PRUNE2: variants seen among roughly 807,000 people sequenced by gnomAD.
PRUNE2 encodes the protein protein prune homolog 2.
Under a neutral mutation model 252.0 loss-of-function variants are expected in PRUNE2, and 164 were observed. The observed-to-expected ratio is 0.65, with a 90% CI of 0.57 to 0.74. PRUNE2 has a LOEUF of 0.74. Among genes scored for constraint, PRUNE2 ranks in the 30% least tolerant of loss-of-function variants. PRUNE2 has a pLI of 0.00. For missense variants in PRUNE2, 3,495 were observed against 3,711.0 expected (o/e 0.94, Z 1.51); for synonymous variants, 1,292 against 1,350.2 (o/e 0.96, Z 0.94).
intron 1 of PRUNE2, among the ~76,000 whole-genome samples, chr9:76,855,064 C>CACA (rs2060170226): frequency 1.3e-5 from 1 of 78,210 alleles, no homozygotes; most frequent in Non-Finnish European, 2.3e-5. Context: ...GACTCCATCT[C>CACA]AAAAAAAAAA....
intron 9 of PRUNE2, among the ~76,000 whole-genome samples, chr9:76,694,768 T>A (rs1474640938): frequency 6.8e-6 from 1 of 147,486 alleles, no homozygotes; most frequent in East Asian, 2.3e-4. Context: ...TAAAAAAAAT[T>A]TTTTTTAAAT....
At chr9:76,748,939 G>T (rs932225236) in intron 6 of PRUNE2, among the ~76,000 whole-genome samples, 1 of 152,100 alleles carries the variant, frequency 6.6e-6, no homozygotes, top group South Asian at 2.1e-4. Flanking sequence ...GGCGGAGCAG[G>T]GACCCCTCTT....
intron 1 of PRUNE2, chr9:76,862,841 C>T (rs561686072): frequency 1.3e-5 from 2 of 152,238 alleles, no homozygotes; most frequent in East Asian, 3.9e-4. Context: ...TTTTTAACTT[C>T]TCTTTTCAAA....
intron 9 of PRUNE2, among the ~76,000 whole-genome samples, chr9:76,680,199 G>A (rs2134196182): frequency 6.6e-6 from 1 of 152,178 alleles, no homozygotes; most frequent in South Asian, 2.1e-4. Flanking sequence ...CAAAAGAAAT[G>A]GGCAAAGACA....
intron 9 of PRUNE2, among the ~76,000 whole-genome samples, chr9:76,683,612 A>T (rs2043733241): frequency 6.6e-6 from 1 of 152,180 alleles, no homozygotes; most frequent in Non-Finnish European, 1.5e-5. Context: ...TTGATTATAG[A>T]GACAGGGTTA....
In PRUNE2 at chr9:76,619,359, T is replaced by C; in HGVS notation, c.9217A>G (p.Met3073Val). The change falls in exon 18 of 19, where the codon ATG becomes GTG. Residue 3073 changes from methionine (M) to valine (V), a missense_variant. Coordinates refer to ENST00000376718, the MANE Select transcript of PRUNE2 (RefSeq NM_015225.3). ...KTSCLYNDPEMSSMEKDIDLK... is the reference protein window; with the variant it reads ...KTSCLYNDPEVSSMEKDIDLK... ...TCTTACTCCTTCTCCATAGAAGACA[T>C]TTCTGGATCATTGTAAAGGCAGCTA... is the stretch of plus-strand genomic sequence containing the variant. 6.2e-7 allele frequency: 1 copy of C among 1,606,810 alleles called. No homozygotes were observed.
chr9:76,633,245 T>G (rs1221802275), intron 15 of PRUNE2, among the ~76,000 whole-genome samples: 3 of 151,434 alleles, frequency 2.0e-5, no homozygotes, highest in Non-Finnish European at 4.4e-5. Flanking sequence ...TATTTTACAA[T>G]GTAAAAATCA....
intron 1 of PRUNE2, chr9:76,863,395 C>T (rs2060661114): frequency 6.6e-6 from 1 of 152,074 alleles, no homozygotes; most frequent in Admixed American, 6.6e-5. Context: ...GACACAAAAA[C>T]ATTACTGTCT....
intron 6 of PRUNE2, among the ~76,000 whole-genome samples, chr9:76,747,621 G>A (rs1158049774): frequency 6.6e-6 from 1 of 152,120 alleles, no homozygotes; most frequent in Non-Finnish European, 1.5e-5. Context: ...GTTCCTGTAT[G>A]TGCTAGGACA....
chr9:76,673,898 C>A (rs1162478792), intron 9 of PRUNE2, among the ~76,000 whole-genome samples: 1 of 150,056 alleles, frequency 6.7e-6, no homozygotes, highest in African/African-American at 2.5e-5. Context: ...ATTGATGGGA[C>A]ATATTTCAAA....
chr9:76,649,057 G>A (rs188585649), intron 11 of PRUNE2, among the ~76,000 whole-genome samples: 15 of 152,314 alleles, frequency 9.8e-5, no homozygotes, highest in Admixed American at 9.8e-4. Context: ...GAGGGTGAAT[G>A]TTTGTAGAGA....
At chr9:76,853,437 T>C (rs142855781) in intron 2 of PRUNE2, among the ~76,000 whole-genome samples, 1,749 of 152,346 alleles carry the variant, frequency 0.011, 38 homozygotes, top group African/African-American at 0.04. Context: ...CCCATTATCA[T>C]GAGCTCATGA....
intron 6 of PRUNE2, among the ~76,000 whole-genome samples, chr9:76,773,816 A>T (rs1325531352): frequency 2.6e-5 from 4 of 152,198 alleles, no homozygotes; most frequent in Non-Finnish European, 5.9e-5. Context: ...TGGTAAAGGG[A>T]ATTCAACAAG....
chr9:76,768,537 G>T (rs905145094), intron 6 of PRUNE2, among the ~76,000 whole-genome samples: 1 of 151,020 alleles, frequency 6.6e-6, no homozygotes, highest in Admixed American at 6.6e-5. Flanking sequence ...CACCTAGAAC[G>T]TTCTCTGGGT....
At chr9:76,764,334 A>C (rs1012116744) in intron 6 of PRUNE2, 1 of 152,250 alleles carries the variant, frequency 6.6e-6, no homozygotes, top group Non-Finnish European at 1.5e-5. Context: ...AGGAAGGTTT[A>C]AACTGGGAAA....
rs1280588405 is a variant in PRUNE2 at position 76,710,667 on chromosome 9, G to A, written c.1607C>T (p.Pro536Leu). The A allele has an allele frequency of 1.2e-6, 2 of 1,612,152 alleles. No homozygotes were observed. Among genetic ancestry groups the A allele is most frequent in the Admixed American group, 3.3e-5 (2 of 59,812 alleles). The change falls in exon 8 of 19, where the codon CCT becomes CTT. Residue 536 changes from proline to leucine, a missense_variant. Transcript: ENST00000376718. ...GGTTCCCATGCCATCAAGTCCTTCA[G>A]GCCCAGCGGGGAGCTGTCCTTCTGA... ...DLSEGQLPAGPEGLDGMGTNM... is the reference protein window; with the variant it reads ...DLSEGQLPAGLEGLDGMGTNM...
At chr9:76,829,824 T>G (rs7044094) in intron 4 of PRUNE2, among the ~76,000 whole-genome samples, 73,101 of 151,516 alleles carry the variant, frequency 0.48, 17,681 homozygotes, top group Middle Eastern at 0.54. Flanking sequence ...GAGAGCAAAA[T>G]AATTTTGTCA....
At chr9:76,875,367 G>A (rs2061420038) in intron 1 of PRUNE2, among the ~76,000 whole-genome samples, 1 of 152,004 alleles carries the variant, frequency 6.6e-6, no homozygotes, top group Non-Finnish European at 1.5e-5. Flanking sequence ...TTTTTTGTTT[G>A]TTTGTTTGTT....
Position 76,711,408 on chromosome 9 carries a change from T to G in PRUNE2, c.916-50A>C, listed in dbSNP as rs762952139. ...GTCAGCACTCAAGCACTGTTGCACT[T>G]TGCAATTGCACTTTGCAATTTATCT... On this transcript the variant is annotated intron_variant, in intron 7 of 18. Transcript: ENST00000376718. 44 of 1,220,170 alleles carry G rather than the reference T, an allele frequency of 3.6e-5. No homozygotes were observed. In the Admixed American group the frequency reaches 6.9e-4, roughly 19 times the overall value. The allele number at this position is 1,220,170 out of a possible 1,614,324, so 75.6% of individuals were successfully genotyped here.
Sources: allele counts gnomAD v4.1 joint callset (sites outside exome capture counted in the v4.1 genomes callset), GRCh38; gene constraint gnomAD v4.1.1; transcripts MANE v1.5; gene names NCBI Gene and HGNC (gene_info 2026-07-23, HGNC 2026-07-21).